NBL1: variants seen among roughly 807,000 people sequenced by gnomAD.
NBL1 encodes NBL1, DAN family BMP antagonist, also known as neuroblastoma suppressor of tumorigenicity 1.
NBL1 carries 9 observed loss-of-function variants against 16.0 expected under a neutral mutation model. The observed-to-expected ratio is 0.56, with a 90% CI of 0.34 to 0.98. The LOEUF (loss-of-function observed/expected upper bound fraction) is 0.98, where lower values mean the gene tolerates loss of function less well. Among genes scored for constraint, NBL1 ranks in the 50% least tolerant of loss-of-function variants. NBL1 has a pLI of 0.02. For missense variants in NBL1, 196 were observed against 243.1 expected (o/e 0.81, Z 1.29); for synonymous variants, 86 against 100.7 (o/e 0.85, Z 0.87).
At chr1:19,647,546 G>T (rs114669249) in intron 1 of NBL1, 10 of 936,552 alleles carry the variant, frequency 1.1e-5, no homozygotes, top group African/African-American at 1.8e-5. Context: ...TAGTGAGTGT[G>T]GGGGGAGAGG....
intron 1 of NBL1, among the ~76,000 whole-genome samples, chr1:19,647,077 T>C (rs1490701618): frequency 6.6e-6 from 1 of 152,220 alleles, no homozygotes; most frequent in Non-Finnish European, 1.5e-5. Flanking sequence ...GAGATTTCCA[T>C]GTATTCTTCA....
chr1:19,643,692 A>C, upstream of NBL1: 2 of 1,185,610 alleles, frequency 1.7e-6, no homozygotes, highest in Non-Finnish European at 2.1e-6. The surrounding 1 kb of genome is among the most constrained non-coding windows in gnomAD (Gnocchi z 4.7). Flanking sequence ...GCTTAAGCCA[A>C]GGGCGTGGGG....
chr1:19,656,301 C>T (rs957140016), intron 3 of NBL1, among the ~76,000 whole-genome samples: 4 of 150,636 alleles, frequency 2.7e-5, no homozygotes, highest in South Asian at 2.1e-4. Flanking sequence ...CAGGGTGAGC[C>T]TCAGCTGGGC....
rs371859192 is a variant in NBL1, at chr1:19,652,510, T to G, written c.-19-2502T>G. Among the ~76,000 whole-genome samples the G allele has an allele frequency of 9.2e-4, 140 of 152,140 alleles. 2 individuals are homozygous for G. Among genetic ancestry groups the G allele is most frequent in the African/African-American group, 3.2e-3 (134 of 41,498 alleles). Reference sequence around the variant, plus strand: ...ACTTCCAGCTGCCCTTCCTCCCCAGTGGGCTGGGAGTGGGGCTTATCCCGG... The same window carrying G: ...ACTTCCAGCTGCCCTTCCTCCCCAGGGGGCTGGGAGTGGGGCTTATCCCGG... On this transcript the variant is annotated intron_variant, in intron 1 of 3. Transcript: ENST00000375136.
chr1:19,652,567 G>T (rs895914187), intron 1 of NBL1, among the ~76,000 whole-genome samples: 4 of 152,138 alleles, frequency 2.6e-5, no homozygotes, highest in Non-Finnish European at 5.9e-5. Flanking sequence ...AGACCTGCAG[G>T]AGAGGGGCAG....
intron 1 of NBL1, among the ~76,000 whole-genome samples, chr1:19,653,359 T>G (rs1490578864): frequency 1.3e-5 from 2 of 151,338 alleles, no homozygotes; most frequent in Admixed American, 1.3e-4. Context: ...CTAAATGGGA[T>G]GCCCAGTCCC....
rs1255548434 is a variant in NBL1 at position 19,644,819 on chromosome 1, T to C, written c.-20+373T>C. On this transcript the variant is annotated intron_variant, in intron 1 of 3. Coordinates refer to ENST00000375136, the MANE Select transcript of NBL1 (RefSeq NM_005380.8). The surrounding 1 kb of genome is among the most constrained non-coding windows in gnomAD (Gnocchi z 4.6). ...CATGTCCCCCGGCCGTGCCCGGGCC[T>C]CGCCGCGCCGCGCCTCTCGGCTCTG... Among the ~76,000 whole-genome samples the C allele has an allele frequency of 1.3e-5, 2 of 151,152 alleles. No individual in the cohort carries two copies. Among genetic ancestry groups the C allele is most frequent in the South Asian group, 2.1e-4 (1 of 4,802 alleles).
At chr1:19,649,101 C>T (rs1051781440) in intron 1 of NBL1, among the ~76,000 whole-genome samples, 13 of 152,204 alleles carry the variant, frequency 8.5e-5, no homozygotes, top group East Asian at 7.7e-4. Context: ...TCTTTCTCTT[C>T]GGTGAACCTT....
At chr1:19,647,435 CAT>C (rs1466108267) in intron 1 of NBL1, among the ~76,000 whole-genome samples, 1 of 151,970 alleles carries the variant, frequency 6.6e-6, no homozygotes, top group Non-Finnish European at 1.5e-5. Context: ...CAAATAAAAA[CAT>C]AAAGATAAAA....
rs1317811758 is a variant in NBL1, at chr1:19,655,444, T to C, written c.282+9T>C. The C allele has an allele frequency of 1.2e-6, 2 of 1,613,468 alleles. No individual in the cohort carries two copies. The highest frequency in any genetic ancestry group is 2.7e-5 in the African/African-American group (2 of 74,928). ...AGTCCATGTGGGAGATTGTGAGTAC[T>C]GCCTGCCTGCCCCACCCAGTCTCGG... On this transcript the variant is annotated intron_variant, in intron 3 of 3. Coordinates refer to ENST00000375136, the MANE Select transcript of NBL1 (RefSeq NM_005380.8).
chr1:19,648,051 A>G (rs1030081172), intron 1 of NBL1, among the ~76,000 whole-genome samples: 1 of 152,106 alleles, frequency 6.6e-6, no homozygotes, highest in African/African-American at 2.4e-5. Context: ...GATACACTCT[A>G]CCTTGAAAAT....
At chr1:19,646,145 C>G in intron 1 of NBL1, 1 of 1,250,306 alleles carries the variant, frequency 8.0e-7, no homozygotes. Flanking sequence ...GCCCTCTGGA[C>G]AGTTGACTCA....
chr1:19,648,289 G>C (rs1412690035), intron 1 of NBL1, among the ~76,000 whole-genome samples: 1 of 152,154 alleles, frequency 6.6e-6, no homozygotes, highest in African/African-American at 2.4e-5. Context: ...CAGTGGGCTG[G>C]GGGGCCTCAG....
chr1:19,653,560 C>T (rs922493992), intron 1 of NBL1, among the ~76,000 whole-genome samples: 7 of 152,252 alleles, frequency 4.6e-5, no homozygotes, highest in African/African-American at 1.7e-4. Flanking sequence ...AGAACTTTTA[C>T]TCCACAAGTT....
At chr1:19,654,392 GAT>G (rs774842222) in intron 1 of NBL1, among the ~76,000 whole-genome samples, 10 of 152,308 alleles carry the variant, frequency 6.6e-5, no homozygotes, top group Non-Finnish European at 1.5e-4. Flanking sequence ...GACCGAGTGA[GAT>G]CTTTTCTCAA....
chr1:19,654,350 C>T (rs1490523717), intron 1 of NBL1, among the ~76,000 whole-genome samples: 1 of 152,136 alleles, frequency 6.6e-6, no homozygotes, highest in Non-Finnish European at 1.5e-5. Context: ...CTTCAGTGAG[C>T]CGTGATCATG....
intron 1 of NBL1, among the ~76,000 whole-genome samples, chr1:19,648,478 G>C (rs961030163): frequency 6.6e-6 from 1 of 152,228 alleles, no homozygotes; most frequent in African/African-American, 2.4e-5. Context: ...GGCATCTCAG[G>C]AAAGAGGTGT....
chr1:19,654,539 A>G (rs2095045302), intron 1 of NBL1, among the ~76,000 whole-genome samples: 1 of 152,196 alleles, frequency 6.6e-6, no homozygotes, highest in African/African-American at 2.4e-5. Flanking sequence ...CTGTGTGGAC[A>G]GCTTTTTGTG....
chr1:19,645,568 A>C (rs1570542506), intron 1 of NBL1: 5 of 1,013,252 alleles, frequency 4.9e-6, no homozygotes, highest in African/African-American at 1.7e-5. Flanking sequence ...GCTGGCGGGG[A>C]AGCAATTTGT....
Sources: gnomAD v4.1 joint callset for allele counts (sites outside exome capture counted in the v4.1 genomes callset) on GRCh38, gnomAD v4.1.1 for gene constraint, Gnocchi (gnomAD v3.1) non-coding constraint, MANE v1.5 for transcripts, NCBI Gene and HGNC (gene_info 2026-07-23, HGNC 2026-07-21) for gene names.